Variants in GRIN2B observed in about 807,000 individuals in gnomAD.
GRIN2B encodes the protein glutamate receptor ionotropic, NMDA 2B.
GRIN2B carries 5 observed loss-of-function variants against 114.5 expected under a neutral mutation model. The observed-to-expected ratio is 0.04, with a 90% CI of 0.02 to 0.09. GRIN2B has a LOEUF of 0.09. GRIN2B is among the 10% of genes least tolerant of loss of function. The pLI is 1.00. For synonymous variants in GRIN2B, 787 were observed against 745.1 expected (o/e 1.06, Z -0.92); for missense variants, 1,108 against 1,943.5 (o/e 0.57, Z 8.08).
chr12:13,875,207 TTAAAA>T (rs1435632876), intron 2 of GRIN2B, among the ~76,000 whole-genome samples: 6 of 151,958 alleles, frequency 3.9e-5, no homozygotes, highest in African/African-American at 7.3e-5. Flanking sequence ...ACCCCAGAAC[TTAAAA>T]TAAAAGTTGA....
chr12:13,572,931 C>A (rs1948724592), intron 10 of GRIN2B, among the ~76,000 whole-genome samples: 1 of 152,198 alleles, frequency 6.6e-6, no homozygotes, highest in Non-Finnish European at 1.5e-5. Flanking sequence ...TAATCCTACA[C>A]ATGCAATTAC....
chr12:13,543,836 A>T lies in GRIN2B; in HGVS notation c.*18947T>A, dbSNP rs1948312719. The T allele has an allele frequency of 6.6e-6, 1 of 152,180 alleles. No homozygotes were observed. Among genetic ancestry groups the T allele is most frequent in the African/African-American group, 2.4e-5 (1 of 41,432 alleles). 9.4% of individuals were successfully genotyped at this position (152,180 alleles called of 1,614,324 possible). A position where few individuals can be genotyped will look rare whatever the true frequency, so the allele number is the denominator to read the frequency against. ...CTCCCATTATCCCATTTACCAGCCC[A>T]CTTGCATCTGTGCCCAAATGCACTA... On this transcript the variant is annotated 3_prime_UTR_variant, in exon 14 of 14. Transcript: ENST00000609686.
At chr12:13,950,264 T>A (rs4763360) in intron 2 of GRIN2B, among the ~76,000 whole-genome samples, 14,305 of 152,214 alleles carry the variant, frequency 0.094, 1,370 homozygotes, top group East Asian at 0.41. Context: ...ACAGAGTAGA[T>A]GAATCAACCC....
At chr12:13,899,539 A>G (rs529785339) in intron 2 of GRIN2B, among the ~76,000 whole-genome samples, 4 of 144,014 alleles carry the variant, frequency 2.8e-5, no homozygotes, top group African/African-American at 9.7e-5. Context: ...TGTTAGGCAC[A>G]CAGCATAGTA....
intron 4 of GRIN2B, among the ~76,000 whole-genome samples, chr12:13,727,420 G>A (rs915191639): frequency 3.9e-5 from 6 of 152,172 alleles, no homozygotes; most frequent in African/African-American, 2.4e-5. Flanking sequence ...TATCAAGGCT[G>A]TATAGAAAAA....
chr12:13,632,403 G>A (rs946885990), intron 5 of GRIN2B, among the ~76,000 whole-genome samples: 1 of 152,226 alleles, frequency 6.6e-6, no homozygotes, highest in African/African-American at 2.4e-5. Flanking sequence ...TAGATAATAT[G>A]CAGCCAATAT....
rs1299483118 is a variant in GRIN2B, at chr12:13,544,171, C to A, written c.*18612G>T. 1 of 152,184 alleles carries A rather than the reference C, an allele frequency of 6.6e-6. No individual in the cohort carries two copies. The highest frequency in any genetic ancestry group is 1.5e-5 in the Non-Finnish European group (1 of 68,066). The allele number at this position is 152,184 out of a possible 1,614,324, so 9.4% of individuals were successfully genotyped here. A position where few individuals can be genotyped will look rare whatever the true frequency, so the allele number is the denominator to read the frequency against. ...CCTATTCCTGTTGTCTCTACCTCCT[C>A]TCCTTCCCCTCTTTCTTGAATCCAC... On this transcript the variant is annotated 3_prime_UTR_variant, in exon 14 of 14. Coordinates refer to ENST00000609686, the MANE Select transcript of GRIN2B (RefSeq NM_000834.5).
At chr12:13,768,001 C>T (rs892161182) in intron 3 of GRIN2B, among the ~76,000 whole-genome samples, 1 of 152,188 alleles carries the variant, frequency 6.6e-6, no homozygotes, top group Non-Finnish European at 1.5e-5. Flanking sequence ...TGTTCCTTCA[C>T]AGAAAGGCAA....
At chr12:13,719,115 C>A (rs920249698) in intron 4 of GRIN2B, among the ~76,000 whole-genome samples, 8 of 152,020 alleles carry the variant, frequency 5.3e-5, no homozygotes, top group African/African-American at 1.9e-4. Flanking sequence ...ACCACGCACT[C>A]TCTTCCATTT....
At chr12:13,872,495 T>C (rs1565570558) in intron 2 of GRIN2B, among the ~76,000 whole-genome samples, 1 of 151,850 alleles carries the variant, frequency 6.6e-6, no homozygotes, top group Non-Finnish European at 1.5e-5. Context: ...ACACAGTATA[T>C]TTTTTAAATA....
intron 4 of GRIN2B, among the ~76,000 whole-genome samples, chr12:13,740,160 C>T (rs12369724): frequency 0.063 from 9,562 of 152,216 alleles, 395 homozygotes; most frequent in Non-Finnish European, 0.098. Flanking sequence ...CCAGGAAATT[C>T]GTGATGGTTT....
chr12:13,733,296 GTT>G (rs5796558), intron 4 of GRIN2B, among the ~76,000 whole-genome samples: 66,643 of 146,716 alleles, frequency 0.45, 15,302 homozygotes, highest in Non-Finnish European at 0.53. Flanking sequence ...ATGGTTTCAA[GTT>G]TTTTTTTTTT....
chr12:13,639,164 T>G (rs1277815591), intron 5 of GRIN2B, among the ~76,000 whole-genome samples: 1 of 152,122 alleles, frequency 6.6e-6, no homozygotes, highest in African/African-American at 2.4e-5. Flanking sequence ...AAAGCCATAT[T>G]CTTTCCAGGC....
chr12:13,804,993 C>A (rs1488000674), intron 3 of GRIN2B, among the ~76,000 whole-genome samples: 2 of 152,184 alleles, frequency 1.3e-5, no homozygotes, highest in African/African-American at 4.8e-5. Flanking sequence ...TCGCAATACA[C>A]AGACATACAC....
chr12:13,753,933 C>CA lies in GRIN2B; in HGVS notation c.412-19dup, dbSNP rs1294130903. 6 of 1,519,160 alleles carry CA rather than the reference C, an allele frequency of 3.9e-6. No individual in the cohort carries two copies. Among genetic ancestry groups the CA allele is most frequent in the African/African-American group, 2.8e-5 (2 of 72,362 alleles). The allele number at this position is 1,519,160 out of a possible 1,614,324, so 94.1% of individuals were successfully genotyped here. ...GATTCATCCTAGAAAAAGAACAGGA[C>CA]AAAAAAAGGAAGAGAGAAAAAAATC... On this transcript the variant is annotated intron_variant, in intron 3 of 13. Transcript: ENST00000609686. The surrounding 1 kb of genome is among the most constrained non-coding windows in gnomAD (Gnocchi z 6.2).
At chr12:13,942,215 A>T (rs1867270553) in intron 2 of GRIN2B, among the ~76,000 whole-genome samples, 2 of 152,212 alleles carry the variant, frequency 1.3e-5, no homozygotes, top group South Asian at 2.1e-4. Context: ...AGAAGAGCTG[A>T]TATGACAGGG....
intron 2 of GRIN2B, among the ~76,000 whole-genome samples, chr12:13,937,592 G>C (rs1867152639): frequency 6.6e-6 from 1 of 152,066 alleles, no homozygotes; most frequent in Non-Finnish European, 1.5e-5. Flanking sequence ...CAAAAGCTAA[G>C]TGACAGAACA....
chr12:13,811,364 G>A (rs1052107396), intron 3 of GRIN2B, among the ~76,000 whole-genome samples: 4 of 152,078 alleles, frequency 2.6e-5, no homozygotes, highest in Non-Finnish European at 4.4e-5. Context: ...CAGGAGGGTC[G>A]CTTGAGTTCA....
chr12:13,920,861 T>A (rs1866810894), intron 2 of GRIN2B, among the ~76,000 whole-genome samples: 1 of 152,184 alleles, frequency 6.6e-6, no homozygotes, highest in Non-Finnish European at 1.5e-5. Context: ...ATTCCCTGTA[T>A]TAAATTTCCT....
Sources: allele counts gnomAD v4.1 joint callset (sites outside exome capture counted in the v4.1 genomes callset), GRCh38; gene constraint gnomAD v4.1.1; non-coding constraint Gnocchi (gnomAD v3.1); transcripts MANE v1.5; gene names NCBI Gene and HGNC (gene_info 2026-07-23, HGNC 2026-07-21).